SLC35A3: variants seen among roughly 807,000 people sequenced by gnomAD.
The protein encoded by SLC35A3 is solute carrier family 35 member A3.
A neutral mutation model predicts 39.0 loss-of-function variants in SLC35A3; 26 were observed. The observed-to-expected ratio is 0.67, with a 90% CI of 0.49 to 0.92. The LOEUF (loss-of-function observed/expected upper bound fraction) is 0.92. Among genes scored for constraint, SLC35A3 ranks in the 40% least tolerant of loss-of-function variants. SLC35A3 has a pLI of 0.00. For missense variants in SLC35A3, 299 were observed against 371.6 expected, an observed-to-expected ratio of 0.80 and a Z score of 1.61; for synonymous variants, 135 against 133.1, an observed-to-expected ratio of 1.01 and a Z score of -0.10.
intron 5 of SLC35A3, among the ~76,000 whole-genome samples, chr1:100,011,887 T>C (rs918568975): frequency 9.2e-5 from 14 of 151,546 alleles, no homozygotes; most frequent in African/African-American, 3.4e-4. Flanking sequence ...CCCGGCTAAT[T>C]TTTTGTATTT....
intron 1 of SLC35A3, among the ~76,000 whole-genome samples, chr1:99,988,494 G>A (rs1240270855): frequency 1.3e-5 from 2 of 152,014 alleles, no homozygotes; most frequent in Admixed American, 1.3e-4. Context: ...AAATATTCAT[G>A]TACAAATATT....
chr1:99,979,427 T>A (rs1657309738), intron 1 of SLC35A3, among the ~76,000 whole-genome samples: 1 of 146,850 alleles, frequency 6.8e-6, no homozygotes, highest in South Asian at 2.1e-4. Flanking sequence ...TCTCCTTTTC[T>A]TTCTTTTTTT....
At chr1:99,989,350 C>T (rs1657940448) in intron 1 of SLC35A3, among the ~76,000 whole-genome samples, 1 of 152,018 alleles carries the variant, frequency 6.6e-6, no homozygotes, top group African/African-American at 2.4e-5. Context: ...ATGGCCTAGT[C>T]TTGGCTCACT....
Position 100,027,127 on chromosome 1 carries a change from C to T in SLC35A3, c.*4651C>T, listed in dbSNP as rs1639720888. ...TCTATCACTGTCACATGTGATCTTT[C>T]TTCCTTTTCTCTAGCCCATATTCTA... is the stretch of plus-strand genomic sequence containing the variant. On this transcript the variant is annotated 3_prime_UTR_variant, in exon 8 of 8. Transcript: ENST00000533028. The T allele has an allele frequency of 2.5e-6, 1 of 398,470 alleles. No individual in the cohort carries two copies. The highest frequency in any genetic ancestry group is 4.4e-6 in the Non-Finnish European group (1 of 226,046). The allele number at this position is 398,470 out of a possible 1,614,324, so 24.7% of individuals were successfully genotyped here. A position where few individuals can be genotyped will look rare whatever the true frequency, so the allele number is the denominator to read the frequency against.
chr1:99,996,202 A>G (rs1658388486), intron 2 of SLC35A3, among the ~76,000 whole-genome samples: 1 of 152,226 alleles, frequency 6.6e-6, no homozygotes, highest in South Asian at 2.1e-4. Context: ...TAAGACATAA[A>G]GGAAAAAATA....
chr1:99,987,752 T>G (rs2101093032), intron 1 of SLC35A3, among the ~76,000 whole-genome samples: 1 of 152,316 alleles, frequency 6.6e-6, no homozygotes, highest in African/African-American at 2.4e-5. Context: ...ACCTGGTAGC[T>G]TGATAGCTTG....
intron 3 of SLC35A3, among the ~76,000 whole-genome samples, chr1:100,006,564 G>T (rs1557838488): frequency 6.6e-6 from 1 of 152,080 alleles, no homozygotes; most frequent in Non-Finnish European, 1.5e-5. Flanking sequence ...AGGGTCAGTC[G>T]CTAGCCCCCA....
At position 100,027,449 on chromosome 1, in the gene SLC35A3, CAAAA is replaced by C. The variant is rs1231445438; in HGVS notation, c.*4976_*4979del. The C allele has an allele frequency of 2.9e-6, 1 of 350,430 alleles. No homozygotes were observed. Among genetic ancestry groups the C allele is most frequent in the Admixed American group, 4.7e-5 (1 of 21,254 alleles). The allele number at this position is 350,430 out of a possible 1,614,324, so 21.7% of individuals were successfully genotyped here. On this transcript the variant is annotated 3_prime_UTR_variant, in exon 8 of 8. Coordinates refer to ENST00000533028, the MANE Select transcript of SLC35A3 (RefSeq NM_012243.3). ...CCTGAGTGACAGTGAGACTCTGTCTCAAAAAACAAACAAAACAAAAACTGAAACA... is the reference window on the plus strand; with the variant it reads ...CCTGAGTGACAGTGAGACTCTGTCTCAACAAACAAAACAAAAACTGAAACA...
chr1:99,985,768 T>C (rs974847716), intron 1 of SLC35A3, among the ~76,000 whole-genome samples: 5 of 152,220 alleles, frequency 3.3e-5, no homozygotes, highest in African/African-American at 7.2e-5. Context: ...GTTTTCCTTA[T>C]AGAGGTCCTT....
At chr1:99,980,931 A>G (rs1657416548) in intron 1 of SLC35A3, among the ~76,000 whole-genome samples, 1 of 152,222 alleles carries the variant, frequency 6.6e-6, no homozygotes, top group African/African-American at 2.4e-5. Context: ...ATGGATTTCA[A>G]GTACAAGATA....
chr1:99,991,239 G>A (rs372071772), intron 1 of SLC35A3, among the ~76,000 whole-genome samples: 6 of 152,248 alleles, frequency 3.9e-5, no homozygotes, highest in African/African-American at 1.4e-4. Context: ...TTCGCCTCTG[G>A]GTTCAATCAA....
chr1:99,989,132 A>G (rs1185861266), intron 1 of SLC35A3, among the ~76,000 whole-genome samples: 1 of 152,170 alleles, frequency 6.6e-6, no homozygotes, highest in Non-Finnish European at 1.5e-5. Flanking sequence ...CCCCTTTAAC[A>G]CTTAGTTGTA....
At chr1:99,997,155 G>A (rs181500761) in intron 2 of SLC35A3, among the ~76,000 whole-genome samples, 10 of 151,648 alleles carry the variant, frequency 6.6e-5, no homozygotes, top group East Asian at 3.9e-4. Context: ...TGGCTCTAAC[G>A]TGGAGGAAAT....
chr1:99,974,846 G>A (rs1193132294), intron 1 of SLC35A3: 3 of 152,108 alleles, frequency 2.0e-5, no homozygotes, highest in East Asian at 1.9e-4. Context: ...CTGATATACT[G>A]TAGGTATTCA....
chr1:100,032,225 C>T lies in SLC35A3; in HGVS notation c.*9749C>T, dbSNP rs565430058. 6.6e-6 allele frequency: 1 copy of T among 152,230 alleles called. No homozygotes were observed. Among genetic ancestry groups the T allele is most frequent in the African/African-American group, 2.4e-5 (1 of 41,550 alleles). The allele number at this position is 152,230 out of a possible 1,614,324, so 9.4% of individuals were successfully genotyped here. A position where few individuals can be genotyped will look rare whatever the true frequency, so the allele number is the denominator to read the frequency against. On this transcript the variant is annotated 3_prime_UTR_variant, in exon 8 of 8. Transcript: ENST00000533028. ...AGTAATCTATGGAGTAATGTTTTAG[C>T]ACCAGGAGAATATTCTGTTTCCCAA...
intron 1 of SLC35A3, among the ~76,000 whole-genome samples, chr1:99,989,171 A>G (rs1204331015): frequency 6.6e-6 from 1 of 152,258 alleles, no homozygotes; most frequent in Non-Finnish European, 1.5e-5. Flanking sequence ...CCAGTCTAAT[A>G]GGTACATAAT....
intron 1 of SLC35A3, among the ~76,000 whole-genome samples, chr1:99,990,169 T>C (rs1186790970): frequency 6.6e-6 from 1 of 152,232 alleles, no homozygotes; most frequent in Non-Finnish European, 1.5e-5. Context: ...TTTTTTCCTA[T>C]GCCTTGTTAT....
chr1:99,983,632 A>AT (rs1022647874), intron 1 of SLC35A3, among the ~76,000 whole-genome samples: 14 of 149,774 alleles, frequency 9.3e-5, no homozygotes, highest in Admixed American at 2.0e-4. Flanking sequence ...ATATTATTTA[A>AT]TTTTTTTTTT....
At chr1:99,986,641 G>A (rs1438504255) in intron 1 of SLC35A3, among the ~76,000 whole-genome samples, 1 of 151,978 alleles carries the variant, frequency 6.6e-6, no homozygotes, top group Non-Finnish European at 1.5e-5. Flanking sequence ...AGGCTGGAGT[G>A]CAGTGGTACA....
Sources: gnomAD v4.1 joint callset for allele counts (sites outside exome capture counted in the v4.1 genomes callset) on GRCh38, gnomAD v4.1.1 for gene constraint, MANE v1.5 for transcripts, NCBI Gene and HGNC (gene_info 2026-07-23, HGNC 2026-07-21) for gene names.